PIK3R6: variants seen among roughly 807,000 people sequenced by gnomAD.
PIK3R6 encodes the protein phosphoinositide 3-kinase regulatory subunit 6.
A neutral mutation model predicts 84.9 loss-of-function variants in PIK3R6; 91 were observed. The ratio of observed to expected loss-of-function variants is 1.07; its 90% CI spans 0.90 to 1.28. The LOEUF is 1.28. Among genes scored for constraint, PIK3R6 ranks in the 50% most tolerant of loss-of-function variants. The pLI is 0.00. For missense variants in PIK3R6, 996 were observed against 985.1 expected, an observed-to-expected ratio of 1.01 and a Z score of -0.15; for synonymous variants, 416 against 411.4, an observed-to-expected ratio of 1.01 and a Z score of -0.13.
chr17:8,866,495 T>G (rs2089416074), intron 1 of PIK3R6, among the ~76,000 whole-genome samples: 1 of 152,012 alleles, frequency 6.6e-6, no homozygotes, highest in Non-Finnish European at 1.5e-5. Context: ...TGAGCCGAGA[T>G]CGCACCACTA....
intron 18 of PIK3R6, among the ~76,000 whole-genome samples, chr17:8,806,038 G>T (rs1250744875): frequency 6.6e-6 from 1 of 152,194 alleles, no homozygotes; most frequent in Non-Finnish European, 1.5e-5. Context: ...GCACTGACTG[G>T]ACAGCTAATG....
chr17:8,804,599 A>G (rs182503894), intron 18 of PIK3R6, among the ~76,000 whole-genome samples: 1 of 152,318 alleles, frequency 6.6e-6, no homozygotes, highest in African/African-American at 2.4e-5. Flanking sequence ...TGCTGCAGAC[A>G]CAGAGGGTCT....
chr17:8,835,728 C>T (rs909094554), intron 7 of PIK3R6, among the ~76,000 whole-genome samples: 5 of 152,114 alleles, frequency 3.3e-5, no homozygotes, highest in Admixed American at 2.0e-4. Flanking sequence ...AGGAAAGTTC[C>T]AGCCTCAATC....
intron 2 of PIK3R6, among the ~76,000 whole-genome samples, chr17:8,848,406 A>G (rs1366803474): frequency 1.3e-5 from 2 of 152,162 alleles, no homozygotes; most frequent in Non-Finnish European, 2.9e-5. Flanking sequence ...TCCGAGAAAT[A>G]TGTCACGGGG....
At chr17:8,858,277 C>A (rs1189056661) in intron 1 of PIK3R6, among the ~76,000 whole-genome samples, 2 of 150,144 alleles carry the variant, frequency 1.3e-5, no homozygotes, top group Non-Finnish European at 3.0e-5. Flanking sequence ...TTTCAAGCAC[C>A]AAACCATGCC....
At chr17:8,814,778 T>C (rs2087474386) in intron 18 of PIK3R6, among the ~76,000 whole-genome samples, 1 of 150,462 alleles carries the variant, frequency 6.6e-6, no homozygotes, top group Non-Finnish European at 1.5e-5. Context: ...AGAAAATATC[T>C]GAGAATTGAA....
At chr17:8,829,371 TG>T (rs2088104178) in intron 10 of PIK3R6, among the ~76,000 whole-genome samples, 1 of 137,424 alleles carries the variant, frequency 7.3e-6, no homozygotes, top group Admixed American at 7.2e-5. Flanking sequence ...CACACATGCA[TG>T]GATACACACA....
intron 1 of PIK3R6, among the ~76,000 whole-genome samples, chr17:8,850,523 A>G (rs1485708807): frequency 6.6e-6 from 1 of 152,176 alleles, no homozygotes; most frequent in East Asian, 1.9e-4. Context: ...GTAAGCAAGG[A>G]ATGAGGACTT....
chr17:8,827,983 G>A (rs914366981), intron 12 of PIK3R6, 129 bp downstream of exon 12: 29 of 943,704 alleles, frequency 3.1e-5, no homozygotes, highest in Non-Finnish European at 4.5e-5. Flanking sequence ...CCTCTCTCCC[G>A]CCTCCACATT....
intron 18 of PIK3R6, among the ~76,000 whole-genome samples, chr17:8,814,675 A>G (rs2087470034): frequency 6.6e-6 from 1 of 152,230 alleles, no homozygotes; most frequent in Non-Finnish European, 1.5e-5. Context: ...AAATTAGAGC[A>G]TTAATTTAGG....
chr17:8,852,575 TA>T (rs1387151890), intron 1 of PIK3R6, among the ~76,000 whole-genome samples: 4 of 151,834 alleles, frequency 2.6e-5, no homozygotes, highest in African/African-American at 9.7e-5. Context: ...CCGTCTCTAC[TA>T]AAAAATAAAA....
chr17:8,837,999 A>T (rs535322560), intron 4 of PIK3R6, 128 bp from the exon 5 acceptor site: 6 of 752,318 alleles, frequency 8.0e-6, no homozygotes, highest in East Asian at 2.6e-5. Context: ...GCAAAGGGCC[A>T]TTGTCTGCTC....
In PIK3R6 at chr17:8,804,119, T is replaced by C. The variant is rs760709443; in HGVS notation, c.2030A>G (p.Gln677Arg). The change falls in exon 19 of 20, where the codon CAG becomes CGG. Residue 677 changes from glutamine to arginine, a missense_variant. Physicochemically the swap from Gln to Arg is conservative, Grantham distance 43. Transcript: ENST00000619866. ...CAGCCTCTGGTCCCGGCTCTGGATC[T>C]GGATATTGTTCGTCCTGAAGGTGTT... ...VTNTFRTNNI[Q>R]IQSRDQRLLT... 39 of 1,613,926 alleles carry C rather than the reference T, an allele frequency of 2.4e-5. No homozygotes were observed. In the South Asian group the frequency reaches 4.0e-4, roughly 16 times the overall value.
chr17:8,829,173 G>T (rs2088071423), intron 10 of PIK3R6, among the ~76,000 whole-genome samples, 183 bp from the exon 11 acceptor site: 1 of 141,794 alleles, frequency 7.1e-6, no homozygotes, highest in African/African-American at 2.7e-5. Context: ...ACATACACAT[G>T]TACAGACACA....
At chr17:8,812,793 T>A (rs2087396673) in intron 18 of PIK3R6, among the ~76,000 whole-genome samples, 1 of 151,962 alleles carries the variant, frequency 6.6e-6, no homozygotes, top group Non-Finnish European at 1.5e-5. Context: ...AATGCCTATA[T>A]AAAAAAGATG....
intron 13 of PIK3R6, among the ~76,000 whole-genome samples, chr17:8,824,244 G>C (rs2087846669): frequency 6.6e-6 from 1 of 152,190 alleles, no homozygotes. Context: ...ACTCCAGCCT[G>C]GGCAACAAGA....
At chr17:8,837,135 G>A (rs1670199674) in intron 5 of PIK3R6, among the ~76,000 whole-genome samples, 1 of 151,922 alleles carries the variant, frequency 6.6e-6, no homozygotes, top group African/African-American at 2.4e-5. Flanking sequence ...TCCATTTGTC[G>A]CCCCGCCCCA....
intron 5 of PIK3R6, 33 bp from the exon 6 acceptor site, chr17:8,836,956 G>C: frequency 7.0e-7 from 1 of 1,437,062 alleles, no homozygotes. Flanking sequence ...AGGTGAGAGG[G>C]AGGAGGTGGA....
At chr17:8,859,343 C>A (rs531916239) in intron 1 of PIK3R6, among the ~76,000 whole-genome samples, 10 of 152,194 alleles carry the variant, frequency 6.6e-5, no homozygotes, top group Non-Finnish European at 1.5e-4. Flanking sequence ...TCATAATGAC[C>A]GCAGGGTGGC....
Sources: gnomAD v4.1 joint callset for allele counts (sites outside exome capture counted in the v4.1 genomes callset) on GRCh38, gnomAD v4.1.1 for gene constraint, MANE v1.5 for transcripts, NCBI Gene and HGNC (gene_info 2026-07-23, HGNC 2026-07-21) for gene names.